The following ZNF407 variants were observed in gnomAD, a reference collection of about 807,000 sequenced individuals.
The protein encoded by ZNF407 is zinc finger protein 407.
A neutral mutation model predicts 131.2 loss-of-function variants in ZNF407; 17 were observed. The ratio of observed to expected loss-of-function variants is 0.13; its 90% confidence interval spans 0.09 to 0.19. The LOEUF is 0.19. Among genes scored for constraint, ZNF407 ranks in the 10% least tolerant of loss-of-function variants. The probability of loss-of-function intolerance (pLI) is 1.00; values close to 1 mark genes in which losing one functional copy is unlikely to be tolerated. For synonymous variants in ZNF407, 1,156 were observed against 1,062.0 expected, an observed-to-expected ratio of 1.09 and a Z score of -1.72; for missense variants, 2,681 against 2,830.6, an observed-to-expected ratio of 0.95 and a Z score of 1.20.
chr18:74,655,768 A>T (rs1599044910), intron 3 of ZNF407, among the ~76,000 whole-genome samples: 1 of 152,164 alleles, frequency 6.6e-6, no homozygotes. Flanking sequence ...TATAAAACTG[A>T]TGTGATTTTT....
chr18:74,967,021 G>T (rs1218622412), intron 8 of ZNF407, among the ~76,000 whole-genome samples: 1 of 152,198 alleles, frequency 6.6e-6, no homozygotes, highest in Admixed American at 6.5e-5. Context: ...AACACTTTGG[G>T]AGACTGAGGC....
At chr18:74,603,077 G>A (rs1205444345) in intron 1 of ZNF407, among the ~76,000 whole-genome samples, 1 of 152,196 alleles carries the variant, frequency 6.6e-6, no homozygotes, top group East Asian at 1.9e-4. Context: ...GAAGGGTCTT[G>A]AAGGCTGAGG....
intron 8 of ZNF407, among the ~76,000 whole-genome samples, chr18:74,989,223 A>T (rs901509476): frequency 3.9e-5 from 6 of 152,232 alleles, no homozygotes; most frequent in African/African-American, 1.4e-4. Context: ...CTACTCTACG[A>T]TTCAATTTAT....
chr18:74,941,799 T>A (rs1972102266), intron 8 of ZNF407, among the ~76,000 whole-genome samples: 1 of 152,234 alleles, frequency 6.6e-6, no homozygotes. Flanking sequence ...GGAAAAACTT[T>A]CGCAACAACG....
intron 7 of ZNF407, chr18:74,898,478 A>C (rs1971482119): frequency 6.6e-6 from 1 of 152,260 alleles, no homozygotes; most frequent in Non-Finnish European, 1.5e-5. Context: ...CAAGTGAGCA[A>C]TAATTCAAAT....
intron 3 of ZNF407, among the ~76,000 whole-genome samples, chr18:74,674,224 C>G (rs1270425337): frequency 1.3e-5 from 2 of 152,202 alleles, no homozygotes; most frequent in African/African-American, 2.4e-5. Flanking sequence ...TGCCACTCCG[C>G]TGAAACCAGT....
chr18:74,891,228 C>T, intron 7 of ZNF407, among the ~76,000 whole-genome samples: 1 of 152,150 alleles, frequency 6.6e-6, no homozygotes, highest in South Asian at 2.1e-4. Flanking sequence ...ACATAGTTTG[C>T]AGGCAGCTGA....
chr18:74,641,665 T>C (rs1984725939), intron 3 of ZNF407, among the ~76,000 whole-genome samples: 1 of 152,210 alleles, frequency 6.6e-6, no homozygotes, highest in African/African-American at 2.4e-5. Context: ...TTTCCTTTTT[T>C]AGTTAATGGT....
At chr18:74,640,794 TGGA>T (rs1329309073) in intron 2 of ZNF407, among the ~76,000 whole-genome samples, 2 of 152,132 alleles carry the variant, frequency 1.3e-5, no homozygotes, top group African/African-American at 4.8e-5. Context: ...GGATTGTTAG[TGGA>T]AGTTAGGAAG....
At chr18:75,015,115 G>C (rs60762031) in intron 8 of ZNF407, among the ~76,000 whole-genome samples, 1,547 of 152,200 alleles carry the variant, frequency 0.01, 23 homozygotes, top group African/African-American at 0.035. Context: ...ATGCAGAATA[G>C]TGTGAAAGGG....
intron 1 of ZNF407, among the ~76,000 whole-genome samples, chr18:74,607,510 C>T (rs1236194574): frequency 1.3e-5 from 2 of 151,864 alleles, no homozygotes; most frequent in Non-Finnish European, 2.9e-5. Context: ...GTATTTCTCA[C>T]AGAGTCACTG....
chr18:74,666,905 G>A (rs1985952122), intron 3 of ZNF407, among the ~76,000 whole-genome samples: 1 of 43,316 alleles, frequency 2.3e-5, no homozygotes, highest in Non-Finnish European at 6.5e-5. Flanking sequence ...CCTGTTTTTG[G>A]TCACAGAATA....
intron 3 of ZNF407, among the ~76,000 whole-genome samples, chr18:74,720,910 T>A (rs1490617091): frequency 1.4e-5 from 2 of 146,680 alleles, no homozygotes; most frequent in African/African-American, 5.0e-5. Context: ...TGAAGTCTGG[T>A]AGTGCGATAC....
intron 8 of ZNF407, among the ~76,000 whole-genome samples, chr18:74,956,870 CA>C (rs1389963239): frequency 6.6e-6 from 1 of 152,134 alleles, no homozygotes; most frequent in Non-Finnish European, 1.5e-5. Flanking sequence ...GAGAATCTGA[CA>C]AAGTCGTAAT....
In ZNF407 at chr18:75,055,607, C is replaced by T. The variant is rs138082902; in HGVS notation, c.5429-7543C>T. Among the ~76,000 whole-genome samples the T allele has an allele frequency of 4.4e-4, 67 of 152,278 alleles. 1 individual carries two copies. In the East Asian group the frequency reaches 6.6e-3, roughly 15 times the overall value. The stretch of plus-strand genomic sequence containing the variant: ...TAAAATATTGTCTTTTGTTCTTTGT[C>T]ACTCTTCAGTGGCCATGGAAATATC... On this transcript the variant is annotated intron_variant, in intron 8 of 8. Transcript: ENST00000299687.
At chr18:74,850,581 G>T (rs1013511268) in intron 4 of ZNF407, among the ~76,000 whole-genome samples, 1 of 152,128 alleles carries the variant, frequency 6.6e-6, no homozygotes, top group African/African-American at 2.4e-5. Context: ...TAAATGTATA[G>T]ATTTGACCAA....
intron 8 of ZNF407, among the ~76,000 whole-genome samples, chr18:74,945,188 A>G (rs776756156): frequency 1.7e-3 from 254 of 152,166 alleles, no homozygotes; most frequent in Non-Finnish European, 2.9e-3. Context: ...TGTGAATCAA[A>G]ACTAAAACTC....
intron 8 of ZNF407, among the ~76,000 whole-genome samples, chr18:75,059,964 A>G: frequency 6.6e-6 from 1 of 152,142 alleles, no homozygotes; most frequent in East Asian, 1.9e-4. Flanking sequence ...GGAGGGAGAA[A>G]GGCAGGTAGT....
intron 4 of ZNF407, among the ~76,000 whole-genome samples, chr18:74,798,209 A>ACACACACACACACAC (rs1969956783): frequency 6.8e-6 from 1 of 147,836 alleles, no homozygotes; most frequent in African/African-American, 2.5e-5. Context: ...CCTTTACACA[A>ACACACACACACACAC]ACACACACAC....
Sources: allele counts gnomAD v4.1 joint callset (sites outside exome capture counted in the v4.1 genomes callset), GRCh38; gene constraint gnomAD v4.1.1; transcripts MANE v1.5; gene names NCBI Gene and HGNC (gene_info 2026-07-23, HGNC 2026-07-21).